DYNC1I2: variants seen among roughly 807,000 people sequenced by gnomAD.
DYNC1I2 encodes dynein cytoplasmic 1 intermediate chain 2.
DYNC1I2 carries 53 observed loss-of-function variants against 88.6 expected under a neutral mutation model. The observed-to-expected ratio is 0.60, with a 90% CI of 0.48 to 0.75. DYNC1I2 has a LOEUF of 0.75. Ranked by LOEUF, DYNC1I2 falls within the 30% of genes least tolerant of loss-of-function variation. The probability of loss-of-function intolerance (pLI) is 0.00; values close to 1 mark genes in which losing one functional copy is unlikely to be tolerated. For synonymous variants in DYNC1I2, 198 were observed against 254.6 expected (o/e 0.78, Z 2.12); for missense variants, 458 against 766.6 (o/e 0.60, Z 4.75).
Position 171,715,981 on chromosome 2 carries a change from G to A in DYNC1I2, c.511+538G>A, listed in dbSNP as rs190421741. ...TGTAATTTGTGTATAGTATGGGGAC[G>A]TATGCACAGACCTATTGAATGTGGA... On this transcript the variant is annotated intron_variant, in intron 7 of 17. Transcript: ENST00000397119. Among the ~76,000 whole-genome samples the A allele has an allele frequency of 7.2e-5, 11 of 152,228 alleles. No individual in the cohort carries two copies. In the East Asian group the frequency reaches 1.9e-3, roughly 27 times the overall value.
intron 15 of DYNC1I2, among the ~76,000 whole-genome samples, chr2:171,742,737 T>C (rs1689533334): frequency 6.6e-6 from 1 of 152,226 alleles, no homozygotes; most frequent in African/African-American, 2.4e-5. Flanking sequence ...TACATGTACC[T>C]TGTGCTTTCT....
rs1685301782 is a variant in DYNC1I2 at position 171,690,339 on chromosome 2, A to G, written c.108+76A>G. ...ATTTCACATATTTATATATTTACATATAGGTTGGTGCAAAAGTAATCGTGG... is the reference window on the plus strand; with the variant it reads ...ATTTCACATATTTATATATTTACATGTAGGTTGGTGCAAAAGTAATCGTGG... On this transcript the variant is annotated intron_variant, in intron 2 of 17. Transcript: ENST00000397119. 50 of 1,095,756 alleles carry G rather than the reference A, an allele frequency of 4.6e-5. 2 individuals carry two copies. The South Asian group carries it at 8.1e-4, about 18-fold the overall frequency. The allele number at this position is 1,095,756 out of a possible 1,614,324, so 67.9% of individuals were successfully genotyped here. A position where few individuals can be genotyped will look rare whatever the true frequency, so the allele number is the denominator to read the frequency against.
chr2:171,705,199 G>A (rs144981641), intron 3 of DYNC1I2, among the ~76,000 whole-genome samples: 2 of 152,038 alleles, frequency 1.3e-5, no homozygotes, highest in East Asian at 3.9e-4. Context: ...TAATGTATCT[G>A]TTTATCTGTG....
intron 5 of DYNC1I2, among the ~76,000 whole-genome samples, chr2:171,709,284 T>C (rs1264771255): frequency 1.3e-5 from 2 of 152,218 alleles, no homozygotes; most frequent in Non-Finnish European, 1.5e-5. Context: ...AATTAAAACA[T>C]GTCCCCATGA....
chr2:171,733,630 T>G, intron 15 of DYNC1I2, among the ~76,000 whole-genome samples: 1 of 151,912 alleles, frequency 6.6e-6, no homozygotes, highest in Non-Finnish European at 1.5e-5. Context: ...CTAATGGGGT[T>G]GTTTTCTTGT....
chr2:171,748,716 C>A lies in DYNC1I2; in HGVS notation c.*827C>A, dbSNP rs1228914801. Reference sequence around the variant, plus strand: ...TAAATAGAAAGCTGCCTATAATTTTCACTGATTAAGAACTATGTATGTGAC... The same window carrying A: ...TAAATAGAAAGCTGCCTATAATTTTAACTGATTAAGAACTATGTATGTGAC... On this transcript the variant is annotated 3_prime_UTR_variant, in exon 18 of 18. Transcript: ENST00000397119. 6.6e-6 allele frequency among the ~76,000 whole-genome samples: 1 copy of A among 152,166 alleles called. No individual in the cohort carries two copies. The highest frequency in any genetic ancestry group is 2.4e-5 in the African/African-American group (1 of 41,462).
rs561620376 is a variant in DYNC1I2 at position 171,737,475 on chromosome 2, T to C, written c.1537-6574T>C. Among the ~76,000 whole-genome samples the C allele has an allele frequency of 2.6e-5, 4 of 152,310 alleles. No homozygotes were observed. In the South Asian group the frequency reaches 8.3e-4, roughly 32 times the overall value. ...CTCTGTTGCCCAGGCTGGAGCGCAG[T>C]GGGGTGATCTCGGTTCATTGCAACC... On this transcript the variant is annotated intron_variant, in intron 15 of 17. Transcript: ENST00000397119.
rs757643157 is a variant in DYNC1I2 at position 171,744,092 on chromosome 2, T to C, written c.1580T>C (p.Val527Ala). ...TCATTTGAAGATAATGCAGACTATGTTTATGATGTTATGTGGTCACCTACC... is the reference window on the plus strand; with the variant it reads ...TCATTTGAAGATAATGCAGACTATGCTTATGATGTTATGTGGTCACCTACC... ...LYSFEDNADYVYDVMWSPTHP... is the reference protein window; with the variant it reads ...LYSFEDNADYAYDVMWSPTHP... The change falls in exon 16 of 18, where the codon GTT becomes GCT. Residue 527 changes from valine (V) to alanine (A), a missense_variant. By Grantham distance (64) the Val-to-Ala change is moderately conservative (BLOSUM62 0). Coordinates refer to ENST00000397119, the MANE Select transcript of DYNC1I2 (RefSeq NM_001378.3). The C allele has an allele frequency of 1.2e-6, 2 of 1,612,866 alleles. No homozygotes were observed. The highest frequency in any genetic ancestry group is 8.5e-7 in the Non-Finnish European group (1 of 1,179,614).
intron 15 of DYNC1I2, among the ~76,000 whole-genome samples, chr2:171,732,308 C>T (rs1357647925): frequency 6.6e-6 from 1 of 152,170 alleles, no homozygotes; most frequent in Non-Finnish European, 1.5e-5. Context: ...TGCAGCAAGC[C>T]GAGATTGTGC....
intron 2 of DYNC1I2, among the ~76,000 whole-genome samples, chr2:171,690,602 A>C (rs1175972658): frequency 2.6e-5 from 4 of 151,696 alleles, no homozygotes; most frequent in Admixed American, 2.6e-4. Context: ...TTAGTCTCCT[A>C]GGAATATATT....
intron 1 of DYNC1I2, among the ~76,000 whole-genome samples, 182 bp from the exon 2 acceptor site, chr2:171,689,965 G>C (rs1006178397): frequency 1.3e-4 from 17 of 130,142 alleles, no homozygotes; most frequent in African/African-American, 4.7e-4. Context: ...GCCTGAAGCA[G>C]TTCTCCCACT....
In DYNC1I2 at chr2:171,742,135, A is replaced by ATATGATG. The variant is rs1689481962; in HGVS notation, c.1537-1911_1537-1905dup. The stretch of plus-strand genomic sequence containing the variant: ...GATCTGTGATACATTTAATTTTTCT[A>ATATGATG]TATGATGTAAGGAAGGAGGGATCCA... On this transcript the variant is annotated intron_variant, in intron 15 of 17. Coordinates refer to ENST00000397119, the MANE Select transcript of DYNC1I2 (RefSeq NM_001378.3). Among the ~76,000 whole-genome samples, 5 of 150,798 alleles carry ATATGATG rather than the reference A, an allele frequency of 3.3e-5. No individual in the cohort carries two copies. In the South Asian group the frequency reaches 1.0e-3, roughly 32 times the overall value.
At position 171,728,299 on chromosome 2, in the gene DYNC1I2, C is replaced by T; in HGVS notation, c.1144-6C>T. 2 of 1,551,742 alleles carry T rather than the reference C, an allele frequency of 1.3e-6. No homozygotes were observed. Among genetic ancestry groups the T allele is most frequent in the Non-Finnish European group, 8.7e-7 (1 of 1,147,550 alleles). ...AATCCCTGAAAACTTTTTTTAATAT[C>T]TCTAGCACCCTGTATATTGTGTAAA... is the stretch of plus-strand genomic sequence containing the variant. On this transcript the variant is annotated splice_polypyrimidine_tract_variant and splice_region_variant and intron_variant, in intron 12 of 17. Coordinates refer to ENST00000397119, the MANE Select transcript of DYNC1I2 (RefSeq NM_001378.3).
intron 3 of DYNC1I2, among the ~76,000 whole-genome samples, chr2:171,703,793 CT>C (rs1686456900): frequency 6.6e-6 from 1 of 152,110 alleles, no homozygotes; most frequent in African/African-American, 2.4e-5. Context: ...GCTAAGAACA[CT>C]TGTGTCCAGA....
chr2:171,712,889 C>A, intron 6 of DYNC1I2, 63 bp downstream of exon 6: 2 of 1,413,474 alleles, frequency 1.4e-6, no homozygotes, highest in South Asian at 1.2e-5. Context: ...TGAAACTGTC[C>A]TAATTTTATT....
Position 171,712,831 on chromosome 2 carries a change from T to C in DYNC1I2, c.395+5T>C. The C allele has an allele frequency of 6.2e-7, 1 of 1,611,472 alleles. No individual in the cohort carries two copies. The highest frequency in any genetic ancestry group is 8.5e-7 in the Non-Finnish European group (1 of 1,177,920). ...TCACTCAGATTCCGATTTGGGGTATTGAATAGATTTTTTACCTTCCCTGTT... is the reference window on the plus strand; with the variant it reads ...TCACTCAGATTCCGATTTGGGGTATCGAATAGATTTTTTACCTTCCCTGTT... On this transcript the variant is annotated splice_donor_5th_base_variant and intron_variant, in intron 6 of 17. Transcript: ENST00000397119.
At chr2:171,717,983 G>C (rs956460947) in intron 7 of DYNC1I2, among the ~76,000 whole-genome samples, 4 of 144,514 alleles carry the variant, frequency 2.8e-5, no homozygotes, top group African/African-American at 5.1e-5. Context: ...TTTTGACAGA[G>C]TCTCTCTTTG....
chr2:171,711,705 C>T (rs1282505082), intron 5 of DYNC1I2, among the ~76,000 whole-genome samples: 1 of 152,094 alleles, frequency 6.6e-6, no homozygotes, highest in Non-Finnish European at 1.5e-5. Context: ...TGAAGGATTT[C>T]TCTAGATTAA....
intron 15 of DYNC1I2, among the ~76,000 whole-genome samples, chr2:171,736,953 C>A (rs1574625553): frequency 6.6e-6 from 1 of 152,292 alleles, no homozygotes; most frequent in African/African-American, 2.4e-5. Flanking sequence ...GAAAAATAAT[C>A]TATATTCTTT....
Sources: allele counts gnomAD v4.1 joint callset (sites outside exome capture counted in the v4.1 genomes callset), GRCh38; gene constraint gnomAD v4.1.1; transcripts MANE v1.5; gene names NCBI Gene and HGNC (gene_info 2026-07-23, HGNC 2026-07-21).